NBPF15: variants seen among roughly 807,000 people sequenced by gnomAD.
NBPF15 encodes the protein NBPF family member NBPF15.
In NBPF15, 74 loss-of-function variants were observed where a neutral mutation model predicts 62.2. That is an observed-to-expected ratio of 1.19 (90% CI 0.99 to 1.44). The LOEUF (loss-of-function observed/expected upper bound fraction) is 1.44, where lower values mean the gene tolerates loss of function less well. Among genes scored for constraint, NBPF15 ranks in the 40% most tolerant of loss-of-function variants. The pLI, the probability that NBPF15 is intolerant of heterozygous loss-of-function variation, is 0.00. For missense variants in NBPF15, 790 were observed against 550.0 expected (o/e 1.44, Z -4.36); for synonymous variants, 244 against 209.7 (o/e 1.16, Z -1.41).
chr1:144,423,328 A>G (rs1308041380), intron 21 of NBPF15, 72 bp from the exon 22 acceptor site: 21 of 1,610,968 alleles, frequency 1.3e-5, no homozygotes, highest in Non-Finnish European at 1.7e-5. Flanking sequence ...TAGATTTCAG[A>G]AGTAATATAA....
intron 17 of NBPF15, among the ~76,000 whole-genome samples, 151 bp downstream of exon 17, chr1:144,426,896 A>G (rs1270429513): frequency 8.1e-5 from 12 of 147,928 alleles, no homozygotes; most frequent in Middle Eastern, 3.5e-3. Flanking sequence ...GGAAACCTAA[A>G]CATCTACTGC....
intron 14 of NBPF15, among the ~76,000 whole-genome samples, chr1:144,428,906 A>C (rs1262361015): frequency 2.0e-5 from 3 of 151,972 alleles, no homozygotes; most frequent in African/African-American, 7.3e-5. Context: ...TCCTAGGTTT[A>C]TGTACACAAA....
intron 6 of NBPF15, among the ~76,000 whole-genome samples, chr1:144,442,278 C>CACGTGTATATATTATATATATATAT (rs1683988814): frequency 9.2e-6 from 1 of 108,882 alleles, no homozygotes; most frequent in African/African-American, 3.7e-5. Flanking sequence ...AATATATATA[C>CACGTGTATATATTATATATATATAT]ACGTGTATAT....
At chr1:144,427,290 G>A (rs1376237976) in intron 16 of NBPF15, among the ~76,000 whole-genome samples, 192 bp from the exon 17 acceptor site, 2 of 140,450 alleles carry the variant, frequency 1.4e-5, no homozygotes, top group African/African-American at 5.5e-5. Context: ...AGAAACTGTG[G>A]GTAAAATTCC....
Position 144,424,115 on chromosome 1 carries a change from T to C in NBPF15, c.1664-140A>G, listed in dbSNP as rs376968040. The C allele has an allele frequency of 2.3e-5, 17 of 736,822 alleles. No homozygotes were observed. The East Asian group carries it at 3.4e-4, about 15-fold the overall frequency. 45.6% of individuals were successfully genotyped at this position (736,822 alleles called of 1,614,324 possible). A position where few individuals can be genotyped will look rare whatever the true frequency, so the allele number is the denominator to read the frequency against. On this transcript the variant is annotated intron_variant, in intron 20 of 21. Transcript: ENST00000581897. ...ACCATGAGAGATATATTTCAGGAGG[T>C]CTGAAGGCTGGTCATGATATAAATT...
intron 16 of NBPF15, 48 bp from the exon 17 acceptor site, chr1:144,427,146 C>A (rs1206972736): frequency 7.1e-6 from 4 of 560,892 alleles, no homozygotes; most frequent in Non-Finnish European, 9.4e-6. Flanking sequence ...GGTTCTCCTA[C>A]ACACATAACA....
intron 4 of NBPF15, among the ~76,000 whole-genome samples, chr1:144,456,192 G>A (rs1413386711): frequency 1.7e-4 from 26 of 150,278 alleles, no homozygotes; most frequent in East Asian, 1.4e-3. Flanking sequence ...GAAAGGGGAC[G>A]GCAGGGTGGA....
chr1:144,435,224 G>A lies in NBPF15; in HGVS notation c.659C>T (p.Ser220Phe), dbSNP rs1677323278. 3 of 1,612,868 alleles carry A rather than the reference G, an allele frequency of 1.9e-6. No homozygotes were observed. Among genetic ancestry groups the A allele is most frequent in the African/African-American group, 2.7e-5 (2 of 74,812 alleles). ...TTTGGTTTTCTTATGTGGCTGGTTG[G>A]AGTCATAAGGGCCATGGCTATTTGA... is the stretch of plus-strand genomic sequence containing the variant. The part of the protein sequence containing the change: ...TCSNSHGPYD[S>F]NQPHKKTKIT... Residue 220 changes from serine (S) to phenylalanine (F), a missense_variant, in exon 12 of 22, where the codon TCC becomes TTC. Ser to Phe is a radical substitution (Grantham distance 155, BLOSUM62 -2). Coordinates refer to ENST00000581897, the MANE Select transcript of NBPF15 (RefSeq NM_001385408.1).
rs1256312315 is a variant in NBPF15 at position 144,427,730 on chromosome 1, C to T, written c.1213+88G>A. 3.1e-5 allele frequency: 19 copies of T among 603,952 alleles called. 1 individual carries two copies. The African/African-American group carries it at 3.8e-4, about 12-fold the overall frequency. The allele number at this position is 603,952 out of a possible 1,614,324, so 37.4% of individuals were successfully genotyped here. A position where few individuals can be genotyped will look rare whatever the true frequency, so the allele number is the denominator to read the frequency against. ...TCCTCCCTGTGGCAATGACATCTCT[C>T]AGCTCAGTAAGGGCCACTTGCAGTA... On this transcript the variant is annotated intron_variant, in intron 16 of 21. Transcript: ENST00000581897.
At chr1:144,447,536 T>C (rs1688460222) in intron 6 of NBPF15, among the ~76,000 whole-genome samples, 1 of 151,682 alleles carries the variant, frequency 6.6e-6, no homozygotes, top group African/African-American at 2.4e-5. Flanking sequence ...GAGCCAGGGA[T>C]GCATTCTAGA....
rs1435096596 is a variant in NBPF15, at chr1:144,437,335, A to G, written c.279-226T>C. Among the ~76,000 whole-genome samples the G allele has an allele frequency of 2.5e-4, 38 of 151,594 alleles. No homozygotes were observed. The South Asian group carries it at 4.2e-3, about 17-fold the overall frequency. ...CAAGATCCTCGATGATGTTCCATTC[A>G]TCTTTCTCTTCTGTAAACAAAAGTA... On this transcript the variant is annotated intron_variant, in intron 9 of 21. Coordinates refer to ENST00000581897, the MANE Select transcript of NBPF15 (RefSeq NM_001385408.1).
At chr1:144,426,756 C>G (rs1368376634) in intron 17 of NBPF15, among the ~76,000 whole-genome samples, 6 of 151,786 alleles carry the variant, frequency 4.0e-5, no homozygotes, top group Non-Finnish European at 7.4e-5. Flanking sequence ...ACACAACGAA[C>G]AGTGGTCATG....
chr1:144,436,053 C>T (rs1159135572), intron 10 of NBPF15, among the ~76,000 whole-genome samples, 200 bp from the exon 11 acceptor site: 1 of 151,294 alleles, frequency 6.6e-6, no homozygotes, highest in Non-Finnish European at 1.5e-5. Flanking sequence ...GGAGGGCCAC[C>T]ATCAAGATGT....
chr1:144,441,226 G>A (rs1682703505), intron 6 of NBPF15, among the ~76,000 whole-genome samples: 1 of 151,298 alleles, frequency 6.6e-6, no homozygotes, highest in African/African-American at 2.4e-5. Context: ...GGAGTTGCTT[G>A]GTGAATGGGT....
intron 13 of NBPF15, among the ~76,000 whole-genome samples, chr1:144,431,851 C>T (rs1340515371): frequency 1.2e-3 from 175 of 143,752 alleles, no homozygotes; most frequent in Non-Finnish European, 3.8e-4. Context: ...CATAGTATTC[C>T]ATGGTGTATA....
intron 17 of NBPF15, 27 bp from the exon 18 acceptor site, chr1:144,426,477 TA>T: frequency 1.2e-6 from 1 of 823,082 alleles, no homozygotes; most frequent in Non-Finnish European, 2.2e-6. Flanking sequence ...AAGTAAAGAA[TA>T]AGCCAGGGAG....
chr1:144,424,049 C>G, intron 20 of NBPF15, 74 bp from the exon 21 acceptor site: 1 of 759,026 alleles, frequency 1.3e-6, no homozygotes, highest in Non-Finnish European at 2.4e-6. Context: ...CTGTCTAATC[C>G]TCACACAGGG....
chr1:144,434,513 A>AG (rs1676762763), intron 12 of NBPF15, among the ~76,000 whole-genome samples: 1 of 143,038 alleles, frequency 7.0e-6, no homozygotes, highest in Non-Finnish European at 1.5e-5. Flanking sequence ...AAAAAAAAAA[A>AG]AAAAAAAATC....
chr1:144,441,989 C>G (rs1206240286), intron 6 of NBPF15, among the ~76,000 whole-genome samples: 3 of 148,148 alleles, frequency 2.0e-5, no homozygotes, highest in African/African-American at 7.5e-5. Context: ...GGGCGGGGAA[C>G]ATCACACACC....
Sources: gnomAD v4.1 joint callset for allele counts (sites outside exome capture counted in the v4.1 genomes callset) on GRCh38, gnomAD v4.1.1 for gene constraint, MANE v1.5 for transcripts, NCBI Gene and HGNC (gene_info 2026-07-23, HGNC 2026-07-21) for gene names.